DLC1: variants seen among roughly 807,000 people sequenced by gnomAD.
DLC1 encodes DLC1 Rho GTPase activating protein, also known as rho GTPase-activating protein 7.
In DLC1, 54 loss-of-function variants were observed where a neutral mutation model predicts 140.3. The observed-to-expected ratio is 0.38, with a 90% CI of 0.31 to 0.48. The LOEUF (loss-of-function observed/expected upper bound fraction) is 0.48, where lower values mean the gene tolerates loss of function less well. Ranked by LOEUF, DLC1 falls within the 20% of genes least tolerant of loss-of-function variation. The pLI is 0.96. For missense variants in DLC1, 2,536 were observed against 1,907.0 expected (o/e 1.33, Z -6.14); for synonymous variants, 986 against 728.1 (o/e 1.35, Z -5.70).
chr8:13,376,963 A>G (rs996468263), intron 4 of DLC1, among the ~76,000 whole-genome samples: 4 of 152,224 alleles, frequency 2.6e-5, no homozygotes, highest in African/African-American at 9.6e-5. Flanking sequence ...GGAGAAGGAA[A>G]AAAAATCTGG....
chr8:13,235,588 A>G (rs1223031714), intron 5 of DLC1, among the ~76,000 whole-genome samples: 4 of 152,068 alleles, frequency 2.6e-5, no homozygotes, highest in Non-Finnish European at 5.9e-5. Context: ...TGGAAGAAAG[A>G]TCCTCCTGAA....
chr8:13,516,264 T>C (rs1802582456), upstream of DLC1, among the ~76,000 whole-genome samples: 2 of 152,172 alleles, frequency 1.3e-5, no homozygotes, highest in Non-Finnish European at 2.9e-5. Context: ...ATAATTCCAG[T>C]TGGATGTGAT....
At chr8:13,569,358 T>C (rs1804565672) in intron 1 of DLC1, among the ~76,000 whole-genome samples, 1 of 5,374 alleles carries the variant, frequency 1.9e-4, no homozygotes, top group African/African-American at 2.5e-4. Flanking sequence ...TGTATAAAGA[T>C]ACTATTTTTT....
At chr8:13,090,170 A>G in intron 15 of DLC1, 82 bp downstream of exon 15, 5 of 1,323,536 alleles carry the variant, frequency 3.8e-6, no homozygotes, top group East Asian at 2.3e-5. Flanking sequence ...CAGACAGATT[A>G]GTTGGCAAAA....
chr8:13,251,574 G>A (rs963902784), intron 5 of DLC1, among the ~76,000 whole-genome samples: 1 of 152,080 alleles, frequency 6.6e-6, no homozygotes, highest in Non-Finnish European at 1.5e-5. Flanking sequence ...CTTGGATACA[G>A]GACCTTTTGG....
At chr8:13,311,773 C>T (rs922555915) in intron 4 of DLC1, among the ~76,000 whole-genome samples, 2 of 152,142 alleles carry the variant, frequency 1.3e-5, no homozygotes, top group African/African-American at 4.8e-5. Flanking sequence ...GTGCTGCTCA[C>T]AGGTATGTCT....
chr8:13,370,399 G>A (rs893086959), intron 4 of DLC1, among the ~76,000 whole-genome samples: 17 of 152,220 alleles, frequency 1.1e-4, no homozygotes, highest in Admixed American at 2.6e-4. Flanking sequence ...GGTGCTCCCC[G>A]TTGTTTTCTC....
intron 4 of DLC1, among the ~76,000 whole-genome samples, chr8:13,354,872 C>T (rs1384814134): frequency 6.6e-6 from 1 of 150,378 alleles, no homozygotes; most frequent in Non-Finnish European, 1.5e-5. Flanking sequence ...TTGCTTGAGC[C>T]TGGGATACTG....
intron 1 of DLC1, among the ~76,000 whole-genome samples, chr8:13,553,428 TG>T (rs750797070): frequency 1.3e-3 from 196 of 151,650 alleles, no homozygotes; most frequent in Non-Finnish European, 2.4e-3. Context: ...ACCAGCATAA[TG>T]TTTTTTTCTT....
chr8:13,433,628 A>G (rs141290037), intron 2 of DLC1, among the ~76,000 whole-genome samples: 1 of 152,338 alleles, frequency 6.6e-6, no homozygotes, highest in African/African-American at 2.4e-5. Context: ...ACAGACTGAA[A>G]TGAGATTATG....
chr8:13,551,419 A>G (rs1268260905), intron 1 of DLC1, among the ~76,000 whole-genome samples: 8 of 152,008 alleles, frequency 5.3e-5, no homozygotes, highest in African/African-American at 1.7e-4. Context: ...TCTGTTTCCT[A>G]AAACTAATTT....
chr8:13,264,549 T>G (rs951463879), intron 5 of DLC1, among the ~76,000 whole-genome samples: 1 of 152,098 alleles, frequency 6.6e-6, no homozygotes, highest in African/African-American at 2.4e-5. Context: ...TGAGAGTGAT[T>G]AAACTCTAAG....
intron 5 of DLC1, among the ~76,000 whole-genome samples, chr8:13,123,645 C>G (rs113827318): frequency 2.6e-5 from 4 of 152,238 alleles, no homozygotes; most frequent in African/African-American, 7.2e-5. Flanking sequence ...GCCGTGGCAC[C>G]TGGGCCCTCT....
chr8:13,541,124 A>G (rs755075022), intron 1 of DLC1, among the ~76,000 whole-genome samples: 10 of 152,228 alleles, frequency 6.6e-5, no homozygotes, highest in Non-Finnish European at 1.0e-4. Context: ...ATCATTGTGC[A>G]TGGAAGTTGT....
At position 13,160,012 on chromosome 8, in the gene DLC1, G is replaced by C. The variant is rs536195398; in HGVS notation, c.1349-44355C>G. Among the ~76,000 whole-genome samples, 641 of 152,208 alleles carry C rather than the reference G, an allele frequency of 4.2e-3. 1 individual carries two copies. The highest frequency in any genetic ancestry group is 0.015 in the African/African-American group (621 of 41,530). On this transcript the variant is annotated intron_variant, in intron 5 of 17. Coordinates refer to ENST00000276297, the MANE Select transcript of DLC1 (RefSeq NM_182643.3). Reference sequence around the variant, plus strand: ...GTCTATACTAAAAATACAAAAATTAGCCGGGTGTCCTGGCACACGCCTATA... The same window carrying C: ...GTCTATACTAAAAATACAAAAATTACCCGGGTGTCCTGGCACACGCCTATA...
At chr8:13,550,480 G>T (rs530294654) in intron 1 of DLC1, among the ~76,000 whole-genome samples, 1 of 152,176 alleles carries the variant, frequency 6.6e-6, no homozygotes, top group East Asian at 1.9e-4. Context: ...GTCTTCTTGA[G>T]CTATATACAG....
rs796922289 is a variant in DLC1, at chr8:13,458,518, T to C, written c.1023+40531A>G. 2.6e-5 allele frequency among the ~76,000 whole-genome samples: 4 copies of C among 152,348 alleles called. 1 individual carries two copies. The highest frequency in any genetic ancestry group is 9.6e-5 in the African/African-American group (4 of 41,588). Reference sequence around the variant, plus strand: ...GTAATTCCCTTGTTATTTGAAATGCTAAGTTGGCATTTGAAAAAACTCCAA... The same window carrying C: ...GTAATTCCCTTGTTATTTGAAATGCCAAGTTGGCATTTGAAAAAACTCCAA... On this transcript the variant is annotated intron_variant, in intron 2 of 17. Coordinates refer to ENST00000276297, the MANE Select transcript of DLC1 (RefSeq NM_182643.3).
At chr8:13,598,146 TA>T (rs144880216) in intron 1 of DLC1, among the ~76,000 whole-genome samples, 2,081 of 152,216 alleles carry the variant, frequency 0.014, 45 homozygotes, top group African/African-American at 0.048. Flanking sequence ...TACAAACAAT[TA>T]AAATTATTAA....
chr8:13,096,395 T>C (rs7835589), intron 10 of DLC1, among the ~76,000 whole-genome samples: 4,892 of 152,268 alleles, frequency 0.032, 274 homozygotes, highest in African/African-American at 0.11. Flanking sequence ...GCCTTTTGAA[T>C]GCTCACCAGC....
Sources: allele counts gnomAD v4.1 joint callset (sites outside exome capture counted in the v4.1 genomes callset), GRCh38; gene constraint gnomAD v4.1.1; transcripts MANE v1.5; gene names NCBI Gene and HGNC (gene_info 2026-07-23, HGNC 2026-07-21).